The following LAP3 variants were observed in gnomAD, a reference collection of about 807,000 sequenced individuals.
LAP3 encodes cytosol aminopeptidase.
A neutral mutation model predicts 58.8 loss-of-function variants in LAP3; 46 were observed. The ratio of observed to expected loss-of-function variants is 0.78; its 90% CI spans 0.62 to 1.00. The LOEUF is 1.00. Among genes scored for constraint, LAP3 ranks in the 50% least tolerant of loss-of-function variants. LAP3 has a pLI of 0.00. For synonymous variants in LAP3, 257 were observed against 237.7 expected (o/e 1.08, Z -0.75); for missense variants, 615 against 659.1 (o/e 0.93, Z 0.73).
At position 17,582,273 on chromosome 4, in the gene LAP3, G is replaced by T. The variant is rs376829340; in HGVS notation, c.274-15G>T. On this transcript the variant is annotated splice_polypyrimidine_tract_variant and intron_variant, in intron 3 of 12. Coordinates refer to ENST00000226299, the MANE Select transcript of LAP3 (RefSeq NM_015907.3). ...AAAGAAATAAAGTGGTTGATTTGGT[G>T]TATCTGTGGGACAGGACTTCCCCAG... 4.4e-4 allele frequency: 698 copies of T among 1,602,762 alleles called. 1 individual carries two copies. Among genetic ancestry groups the T allele is most frequent in the Non-Finnish European group, 5.5e-4 (648 of 1,170,314 alleles).
At chr4:17,587,178 C>CTCCT (rs1251535476) in intron 6 of LAP3, among the ~76,000 whole-genome samples, 1 of 152,128 alleles carries the variant, frequency 6.6e-6, no homozygotes. Flanking sequence ...TGGGGCAGGA[C>CTCCT]AGTTCAGGTG....
intron 7 of LAP3, among the ~76,000 whole-genome samples, chr4:17,593,654 C>T (rs1431318180): frequency 2.5e-5 from 3 of 120,294 alleles, no homozygotes; most frequent in East Asian, 2.9e-4. Flanking sequence ...CTCTGTTGCC[C>T]AGGCTGGAGT....
Position 17,607,626 on chromosome 4 carries a change from T to C in LAP3, c.*37T>C. On this transcript the variant is annotated 3_prime_UTR_variant, in exon 13 of 13. Coordinates refer to ENST00000226299, the MANE Select transcript of LAP3 (RefSeq NM_015907.3). ...AAAAATGTCTTCACTCTGTCTTAAATTGGACAGTTGAACTTAAAAGGTTTT... is the reference window on the plus strand; with the variant it reads ...AAAAATGTCTTCACTCTGTCTTAAACTGGACAGTTGAACTTAAAAGGTTTT... 6.8e-7 allele frequency: 1 copy of C among 1,463,166 alleles called. No homozygotes were observed. The highest frequency in any genetic ancestry group is 9.2e-7 in the Non-Finnish European group (1 of 1,085,094). 90.6% of individuals were successfully genotyped at this position (1,463,166 alleles called of 1,614,324 possible).
intron 9 of LAP3, among the ~76,000 whole-genome samples, chr4:17,597,569 C>T (rs942983994): frequency 3.9e-5 from 6 of 152,208 alleles, no homozygotes; most frequent in Non-Finnish European, 5.9e-5. Context: ...ATTCCCGGCC[C>T]CTGAGTAGCT....
intron 10 of LAP3, among the ~76,000 whole-genome samples, chr4:17,601,942 G>T (rs1307313432): frequency 6.6e-6 from 1 of 152,170 alleles, no homozygotes; most frequent in Non-Finnish European, 1.5e-5. Flanking sequence ...CACGGATACG[G>T]AGGGCTGACT....
At chr4:17,605,229 CTG>C (rs142130996) in intron 11 of LAP3, among the ~76,000 whole-genome samples, 2,254 of 151,806 alleles carry the variant, frequency 0.015, 57 homozygotes, top group African/African-American at 0.047. Context: ...GCAGGTGACT[CTG>C]TGGCCTCCTG....
Position 17,597,028 on chromosome 4 carries a change from A to T in LAP3, c.989-18A>T. On this transcript the variant is annotated intron_variant, in intron 8 of 12. Transcript: ENST00000226299. ...GACCCAGTATATACTGTGTGCCTTC[A>T]TATATTATTTCCAATAGGTCTGGCC... The T allele has an allele frequency of 6.2e-7, 1 of 1,612,660 alleles. No homozygotes were observed. Among genetic ancestry groups the T allele is most frequent in the Non-Finnish European group, 8.5e-7 (1 of 1,178,716 alleles).
chr4:17,602,045 T>C (rs1325003862), intron 10 of LAP3, among the ~76,000 whole-genome samples: 2 of 152,210 alleles, frequency 1.3e-5, no homozygotes, highest in African/African-American at 4.8e-5. Flanking sequence ...AAGGAGCAAC[T>C]TGGACATACT....
intron 3 of LAP3, 105 bp from the exon 4 acceptor site, chr4:17,582,183 A>G (rs2010053): frequency 7.7e-6 from 7 of 907,842 alleles, no homozygotes; most frequent in Non-Finnish European, 1.2e-5. Context: ...GCTGCAGTTA[A>G]AGTAATTGTG....
Position 17,585,064 on chromosome 4 carries a change from C to T in LAP3, c.632C>T (p.Thr211Met), listed in dbSNP as rs745499698. The T allele has an allele frequency of 8.7e-6, 14 of 1,613,806 alleles. No individual in the cohort carries two copies. Among genetic ancestry groups the T allele is most frequent in the African/African-American group, 1.3e-5 (1 of 74,886 alleles). ...ATGGAGACGCCAGCCAATGAGATGA[C>T]GCCAACCAGATTTGCTGAAATTATT... ...QLMETPANEM[T>M]PTRFAEIIEK... Residue 211 changes from threonine (T) to methionine (M), a missense_variant, in exon 6 of 13, where the codon ACG (threonine) becomes ATG (methionine). Thr to Met is a moderately conservative substitution (Grantham distance 81, BLOSUM62 -1). Transcript: ENST00000226299.
intron 11 of LAP3, among the ~76,000 whole-genome samples, chr4:17,605,758 C>G (rs1246132061): frequency 2.1e-4 from 32 of 152,140 alleles, no homozygotes; most frequent in Non-Finnish European, 1.5e-5. Context: ...TTATCCCTCT[C>G]TTTCATGGCA....
intron 11 of LAP3, 152 bp from the exon 12 acceptor site, chr4:17,606,677 G>C: frequency 9.5e-6 from 5 of 525,058 alleles, no homozygotes; most frequent in South Asian, 8.5e-5. Flanking sequence ...ATCTTTTAAT[G>C]AGTGGACACA....
In LAP3 at chr4:17,598,451, T is replaced by C. The variant is rs1302544644; in HGVS notation, c.1078-5T>C. 2.5e-6 allele frequency: 4 copies of C among 1,605,342 alleles called. No homozygotes were observed. The highest frequency in any genetic ancestry group is 3.4e-6 in the Non-Finnish European group (4 of 1,172,108). On this transcript the variant is annotated splice_polypyrimidine_tract_variant and splice_region_variant and intron_variant, in intron 9 of 12. Transcript: ENST00000226299. ...GTCACCCTTTCTGTTTTTGACCCTC[T>C]GCAGGTTGATAACACTGATGCTGAG...
At chr4:17,589,598 G>A (rs1047854265) in intron 7 of LAP3, among the ~76,000 whole-genome samples, 1 of 152,068 alleles carries the variant, frequency 6.6e-6, no homozygotes, top group East Asian at 1.9e-4. Context: ...AGTGGAGTCC[G>A]AAGTCAAACT....
At chr4:17,605,118 CCA>C (rs10609509) in intron 11 of LAP3, among the ~76,000 whole-genome samples, 6,651 of 146,826 alleles carry the variant, frequency 0.045, 322 homozygotes, top group African/African-American at 0.13. Flanking sequence ...ACCCTCACTT[CCA>C]CACACACACA....
chr4:17,595,185 C>T (rs892090538), intron 7 of LAP3, among the ~76,000 whole-genome samples: 1 of 150,480 alleles, frequency 6.6e-6, no homozygotes, highest in African/African-American at 2.4e-5. Context: ...ACTACAGGCG[C>T]CCACCACCAC....
chr4:17,582,071 TACTC>T, intron 3 of LAP3: 1 of 600,570 alleles, frequency 1.7e-6, no homozygotes, highest in Non-Finnish European at 3.0e-6. Context: ...TATCCTCACT[TACTC>T]TGCCTCTCAA....
intron 6 of LAP3, 103 bp downstream of exon 6, chr4:17,585,239 C>G: frequency 1.0e-6 from 1 of 990,796 alleles, no homozygotes. Flanking sequence ...AACTTGAGAC[C>G]AGAGATTTGA....
At position 17,595,532 on chromosome 4, in the gene LAP3, T is replaced by C. The variant is rs780952086; in HGVS notation, c.986T>C (p.Ile329Thr). ...AAGCTTAATTTGCCCATTAATATTA[T>C]AGGTAAGTGGGGTAACGGATTACAT... is the stretch of plus-strand genomic sequence containing the variant. ...AAKLNLPINI[I>T]GLAPLCENMP... Residue 329 changes from isoleucine to threonine, a missense_variant and splice_region_variant, in exon 8 of 13, where the codon ATA becomes ACA. Physicochemically the swap from Ile to Thr is moderately conservative, Grantham distance 89 (BLOSUM62 -1). Coordinates refer to ENST00000226299, the MANE Select transcript of LAP3 (RefSeq NM_015907.3). The C allele has an allele frequency of 1.2e-5, 19 of 1,613,714 alleles. No homozygotes were observed. Among genetic ancestry groups the C allele is most frequent in the Admixed American group, 1.2e-4 (7 of 59,958 alleles).
Sources: gnomAD v4.1 joint callset for allele counts (sites outside exome capture counted in the v4.1 genomes callset) on GRCh38, gnomAD v4.1.1 for gene constraint, MANE v1.5 for transcripts, NCBI Gene and HGNC (gene_info 2026-07-23, HGNC 2026-07-21) for gene names.